The following MSRA variants were observed in gnomAD, a reference collection of about 807,000 sequenced individuals.
The protein encoded by MSRA is mitochondrial peptide methionine sulfoxide reductase.
Under a neutral mutation model 31.3 loss-of-function variants are expected in MSRA, and 54 were observed. That is an observed-to-expected ratio of 1.73 (90% CI 1.39 to 2.17). The LOEUF is 2.17. Ranked by LOEUF, MSRA falls within the 30% of genes most tolerant of loss-of-function variation. The pLI is 0.00. For missense variants in MSRA, 507 were observed against 300.9 expected (o/e 1.69, Z -5.07); for synonymous variants, 169 against 116.5 (o/e 1.45, Z -2.90).
chr8:10,136,423 C>G (rs1802282923), intron 1 of MSRA, among the ~76,000 whole-genome samples: 2 of 152,222 alleles, frequency 1.3e-5, no homozygotes, highest in South Asian at 4.1e-4. Context: ...CTCCTTGGAG[C>G]CACCATTCCT....
intron 1 of MSRA, among the ~76,000 whole-genome samples, chr8:10,081,624 G>C (rs1433433499): frequency 6.6e-6 from 1 of 152,118 alleles, no homozygotes; most frequent in East Asian, 1.9e-4. Context: ...CGAGTAGGTG[G>C]ACTTATAGGC....
At chr8:10,095,716 T>G in intron 1 of MSRA, 1 of 1,064,492 alleles carries the variant, frequency 9.4e-7, no homozygotes. Context: ...ACTCAGAACT[T>G]TTTGGTTTTC....
At chr8:10,170,180 C>T (rs112617811) in intron 1 of MSRA, among the ~76,000 whole-genome samples, 5,391 of 151,552 alleles carry the variant, frequency 0.036, 142 homozygotes, top group African/African-American at 0.078. Context: ...GCCACTGTGC[C>T]GGGCCTTCCT....
intron 1 of MSRA, among the ~76,000 whole-genome samples, chr8:10,054,874 C>T (rs1198246380): frequency 6.6e-6 from 1 of 152,324 alleles, no homozygotes. Flanking sequence ...TCGTCATCTT[C>T]TGGAGCCAAA....
chr8:10,083,511 C>A (rs814422), intron 1 of MSRA, among the ~76,000 whole-genome samples: 1 of 151,942 alleles, frequency 6.6e-6, no homozygotes, highest in Non-Finnish European at 1.5e-5. Context: ...AGTTTTTCTC[C>A]AGGGAAATAA....
At chr8:10,354,993 T>C (rs1345151762) in intron 5 of MSRA, among the ~76,000 whole-genome samples, 1 of 152,176 alleles carries the variant, frequency 6.6e-6, no homozygotes, top group East Asian at 1.9e-4. Context: ...AGAAGAGGAA[T>C]GGCTACATAT....
At chr8:10,232,301 C>A (rs1585228870) in intron 2 of MSRA, among the ~76,000 whole-genome samples, 2 of 152,280 alleles carry the variant, frequency 1.3e-5, no homozygotes, top group East Asian at 3.9e-4. Context: ...CTTCCTACCC[C>A]ATCTGTTGTT....
At position 10,225,525 on chromosome 8, in the gene MSRA, TCA is replaced by T. The variant is rs1263440883; in HGVS notation, c.211+17625_211+17626del. On this transcript the variant is annotated intron_variant, in intron 2 of 5. Coordinates refer to ENST00000317173, the MANE Select transcript of MSRA (RefSeq NM_012331.5). Reference sequence around the variant, plus strand: ...TAGAAGTGGGAAAAATTCTTTTTATTCATAAATTTAATTTGCCCAGAGTTGCG... The same window carrying T: ...TAGAAGTGGGAAAAATTCTTTTTATTTAAATTTAATTTGCCCAGAGTTGCG... Among the ~76,000 whole-genome samples the T allele has an allele frequency of 3.3e-5, 5 of 152,338 alleles. No homozygotes were observed. The East Asian group carries it at 9.6e-4, about 29-fold the overall frequency.
intron 3 of MSRA, among the ~76,000 whole-genome samples, chr8:10,299,413 C>T (rs1338957661): frequency 6.6e-6 from 1 of 152,116 alleles, no homozygotes; most frequent in Non-Finnish European, 1.5e-5. Flanking sequence ...AGTGGTTTTA[C>T]AATCACATTA....
At chr8:10,211,891 A>C (rs1390744744) in intron 2 of MSRA, among the ~76,000 whole-genome samples, 1 of 152,212 alleles carries the variant, frequency 6.6e-6, no homozygotes, top group Non-Finnish European at 1.5e-5. Flanking sequence ...TCATTGCCTT[A>C]AAAATACTCC....
chr8:10,142,200 C>T (rs539881730), intron 1 of MSRA, among the ~76,000 whole-genome samples: 3 of 152,072 alleles, frequency 2.0e-5, no homozygotes, highest in Admixed American at 6.5e-5. Context: ...TCAGGTGATC[C>T]ACCCACCTTG....
chr8:10,056,064 TTTTC>T (rs1457635502), intron 1 of MSRA, among the ~76,000 whole-genome samples: 3 of 152,014 alleles, frequency 2.0e-5, no homozygotes, highest in Admixed American at 6.5e-5. Context: ...TCTTAAAATT[TTTTC>T]TTTCTTTTAC....
chr8:10,105,317 C>G (rs1799810649), intron 1 of MSRA, among the ~76,000 whole-genome samples: 1 of 152,110 alleles, frequency 6.6e-6, no homozygotes, highest in South Asian at 2.1e-4. Context: ...TGCTTACAAT[C>G]CATGCTTTCC....
intron 1 of MSRA, among the ~76,000 whole-genome samples, chr8:10,149,593 C>T (rs1563153191): frequency 6.6e-6 from 1 of 152,080 alleles, no homozygotes; most frequent in African/African-American, 2.4e-5. Flanking sequence ...ATTGGGCAGG[C>T]TAACGTTTTA....
At chr8:10,293,951 C>A (rs1452916710) in intron 3 of MSRA, among the ~76,000 whole-genome samples, 1 of 152,176 alleles carries the variant, frequency 6.6e-6, no homozygotes, top group African/African-American at 2.4e-5. Flanking sequence ...TGCCTGTAAC[C>A]TCAACACTTC....
At chr8:10,342,529 C>T (rs781616900) in intron 5 of MSRA, among the ~76,000 whole-genome samples, 6 of 152,326 alleles carry the variant, frequency 3.9e-5, no homozygotes, top group Non-Finnish European at 8.8e-5. Context: ...CTGAGCCGCA[C>T]GGAACTGCTG....
intron 3 of MSRA, among the ~76,000 whole-genome samples, chr8:10,252,705 G>C (rs1797980389): frequency 6.6e-6 from 1 of 152,208 alleles, no homozygotes; most frequent in East Asian, 1.9e-4. Context: ...AAATTGATTT[G>C]TCCACGAAGC....
At chr8:10,251,175 A>G (rs935288083) in intron 3 of MSRA, among the ~76,000 whole-genome samples, 11 of 151,100 alleles carry the variant, frequency 7.3e-5, no homozygotes, top group Middle Eastern at 3.4e-3. Context: ...AAGGAATAAT[A>G]ATTTCCCCAC....
chr8:10,351,703 G>T (rs1804160518), intron 5 of MSRA, among the ~76,000 whole-genome samples: 1 of 152,228 alleles, frequency 6.6e-6, no homozygotes, highest in Non-Finnish European at 1.5e-5. Flanking sequence ...AAGACTTGTG[G>T]TGTGGATTCA....
Sources: gnomAD v4.1 joint callset for allele counts (sites outside exome capture counted in the v4.1 genomes callset) on GRCh38, gnomAD v4.1.1 for gene constraint, MANE v1.5 for transcripts, NCBI Gene and HGNC (gene_info 2026-07-23, HGNC 2026-07-21) for gene names.